DHX8: variants seen among roughly 807,000 people sequenced by gnomAD.
The protein encoded by DHX8 is DEAH-box helicase 8, also known as ATP-dependent RNA helicase DHX8.
In DHX8, 67 loss-of-function variants were observed where a neutral mutation model predicts 140.7. The observed-to-expected ratio is 0.48, with a 90% confidence interval of 0.39 to 0.58. The LOEUF (loss-of-function observed/expected upper bound fraction) is 0.58, where lower values mean the gene tolerates loss of function less well. DHX8 is among the 20% of genes least tolerant of loss of function. DHX8 has a pLI of 0.00. For missense variants in DHX8, 887 were observed against 1,550.7 expected (o/e 0.57, Z 7.19); for synonymous variants, 533 against 553.2 (o/e 0.96, Z 0.51).
chr17:43,507,341 T>C (rs1350633978), intron 13 of DHX8, 144 bp downstream of exon 13: 21 of 1,122,118 alleles, frequency 1.9e-5, no homozygotes, highest in Non-Finnish European at 2.5e-5. Context: ...AATCAGTCTG[T>C]TCAGAGTATA....
chr17:43,496,315 T>C (rs760857518), intron 9 of DHX8, 47 bp downstream of exon 9: 32 of 1,374,738 alleles, frequency 2.3e-5, no homozygotes, highest in Admixed American at 3.4e-5. Context: ...AGTTGAGCCA[T>C]TGAATTGGGT....
At chr17:43,520,916 A>G (rs1246515372) in intron 20 of DHX8, 37 bp downstream of exon 20, 2 of 1,569,888 alleles carry the variant, frequency 1.3e-6, no homozygotes, top group African/African-American at 1.4e-5. Context: ...TGGGGGTGCC[A>G]TGAAGTTGGG....
At chr17:43,484,308 C>T in intron 1 of DHX8, 123 bp downstream of exon 1, 2 of 1,206,402 alleles carry the variant, frequency 1.7e-6, no homozygotes, top group Non-Finnish European at 2.4e-6. Context: ...CTCTCTCTGT[C>T]GCAGACACCG....
chr17:43,486,738 C>T (rs560944734), intron 1 of DHX8, among the ~76,000 whole-genome samples: 2 of 151,954 alleles, frequency 1.3e-5, no homozygotes, highest in South Asian at 2.1e-4. Context: ...ATTAGCAGGG[C>T]GTGGTGGTGC....
chr17:43,521,580 G>A lies in DHX8; in HGVS notation c.3263+15G>A, dbSNP rs761461904. On this transcript the variant is annotated intron_variant, in intron 21 of 22. Transcript: ENST00000262415. Reference sequence around the variant, plus strand: ...ATAATGGACAGGTAAGCTGGAATCTGATGACTCTGCATGTTTGAGTTGAAC... The same window carrying A: ...ATAATGGACAGGTAAGCTGGAATCTAATGACTCTGCATGTTTGAGTTGAAC... 1 of 1,603,672 alleles carries A rather than the reference G, an allele frequency of 6.2e-7. No individual in the cohort carries two copies. The highest frequency in any genetic ancestry group is 1.7e-5 in the Admixed American group (1 of 59,724).
At chr17:43,534,075 G>A (rs1870781862) in intron 2 of DHX8, 3 of 1,337,346 alleles carry the variant, frequency 2.2e-6, no homozygotes, top group African/African-American at 1.5e-5. Flanking sequence ...TTGAGGACCA[G>A]CTGGGTGACT....
intron 2 of DHX8, among the ~76,000 whole-genome samples, chr17:43,536,051 C>T (rs1470203703): frequency 6.6e-6 from 1 of 152,218 alleles, no homozygotes; most frequent in African/African-American, 2.4e-5. Flanking sequence ...GCGGAAGTTG[C>T]AGTGAGCCGA....
At chr17:43,502,352 A>C (rs925645096) in intron 11 of DHX8, among the ~76,000 whole-genome samples, 1 of 152,194 alleles carries the variant, frequency 6.6e-6, no homozygotes, top group Non-Finnish European at 1.5e-5. Context: ...CAGGAGTTCA[A>C]GACCAGTCTG....
intron 5 of DHX8, among the ~76,000 whole-genome samples, 171 bp downstream of exon 5, chr17:43,492,463 G>A (rs966471313): frequency 2.6e-5 from 4 of 152,180 alleles, no homozygotes; most frequent in African/African-American, 9.7e-5. Context: ...CAAATGCTAG[G>A]TTGTTCAGAA....
chr17:43,499,092 A>G (rs1274892727), intron 10 of DHX8, 133 bp downstream of exon 10: 15 of 632,840 alleles, frequency 2.4e-5, no homozygotes, highest in East Asian at 1.4e-4. Flanking sequence ...GCCAGGGTCT[A>G]TAATAGTTTT....
At position 43,492,669 on chromosome 17, in the gene DHX8, T is replaced by C; in HGVS notation, c.504-12T>C. The C allele has an allele frequency of 1.4e-6, 2 of 1,468,942 alleles. No homozygotes were observed. Among genetic ancestry groups the C allele is most frequent in the Non-Finnish European group, 1.9e-6 (2 of 1,048,550 alleles). 91.0% of individuals were successfully genotyped at this position (1,468,942 alleles called of 1,614,324 possible). A position where few individuals can be genotyped will look rare whatever the true frequency, so the allele number is the denominator to read the frequency against. On this transcript the variant is annotated splice_polypyrimidine_tract_variant and intron_variant, in intron 5 of 22. Transcript: ENST00000262415. ...GGTTTCTTTTTTAAACAGGTGCTTA[T>C]TGATTTGTTAGGGACAGGACAAAGA...
intron 1 of DHX8, among the ~76,000 whole-genome samples, chr17:43,487,153 TC>T (rs1157856702): frequency 6.6e-6 from 1 of 152,196 alleles, no homozygotes; most frequent in African/African-American, 2.4e-5. Context: ...GTTTTGGGGA[TC>T]ATGAAGTAAC....
chr17:43,507,606 T>C lies in DHX8; in HGVS notation c.2027T>C (p.Leu676Pro). 1 of 1,614,118 alleles carries C rather than the reference T, an allele frequency of 6.2e-7. No individual in the cohort carries two copies. The highest frequency in any genetic ancestry group is 8.5e-7 in the Non-Finnish European group (1 of 1,180,026). ...LLRECLIDPDLTQYAIIMLDE... is the reference protein window; with the variant it reads ...LLRECLIDPDPTQYAIIMLDE... Reference sequence around the variant, plus strand: ...AGAGAGTGCTTGATTGACCCTGACCTCACTCAGTACGCGATCATCATGTTG... The same window carrying C: ...AGAGAGTGCTTGATTGACCCTGACCCCACTCAGTACGCGATCATCATGTTG... Residue 676 changes from leucine (L) to proline (P), a missense_variant, in exon 14 of 23, where the codon CTC becomes CCC. By Grantham distance (98) the Leu-to-Pro change is moderately conservative. This residue lies in a region of DHX8 where 178 missense variants were observed against 398.5 expected (regional missense o/e 0.45). Coordinates refer to ENST00000262415, the MANE Select transcript of DHX8 (RefSeq NM_004941.3).
chr17:43,488,785 C>T (rs1968330884), intron 1 of DHX8, among the ~76,000 whole-genome samples: 1 of 152,070 alleles, frequency 6.6e-6, no homozygotes. Context: ...TTTTTATTGT[C>T]ACCTTTACAG....
intron 3 of DHX8, among the ~76,000 whole-genome samples, chr17:43,542,463 A>AT (rs1411892731): frequency 1.3e-5 from 2 of 152,022 alleles, no homozygotes; most frequent in Non-Finnish European, 2.9e-5. Flanking sequence ...AAAAACCAGC[A>AT]TATCTTTTAC....
At chr17:43,513,608 A>G in intron 17 of DHX8, 106 bp downstream of exon 17, 1 of 1,208,480 alleles carries the variant, frequency 8.3e-7, no homozygotes, top group South Asian at 1.6e-5. Context: ...ATGAACTTTT[A>G]TGATACTGGG....
intron 16 of DHX8, among the ~76,000 whole-genome samples, chr17:43,510,684 C>T (rs1214475398): frequency 6.6e-6 from 1 of 152,110 alleles, no homozygotes; most frequent in Non-Finnish European, 1.5e-5. Flanking sequence ...GAGGGCTAAC[C>T]ATATTCACAG....
At chr17:43,499,925 A>G in intron 10 of DHX8, 31 bp from the exon 11 acceptor site, 2 of 1,611,246 alleles carry the variant, frequency 1.2e-6, no homozygotes, top group Non-Finnish European at 1.7e-6. Flanking sequence ...CGGACATTTA[A>G]TCCATGTTGT....
intron 2 of DHX8, chr17:43,532,547 G>A (rs1383196925): frequency 1.2e-6 from 1 of 858,368 alleles, no homozygotes; most frequent in Non-Finnish European, 1.8e-6. Flanking sequence ...AAATTATGAA[G>A]AAAAAAAGTG....
Sources: allele counts gnomAD v4.1 joint callset (sites outside exome capture counted in the v4.1 genomes callset), GRCh38; gene constraint gnomAD v4.1.1; regional missense constraint gnomAD v4.1.1; transcripts MANE v1.5; gene names NCBI Gene and HGNC (gene_info 2026-07-23, HGNC 2026-07-21).